The following COL4A3 variants were observed in gnomAD, a reference collection of about 807,000 sequenced individuals.
COL4A3 encodes the protein collagen type IV alpha 3 chain.
Under a neutral mutation model 217.4 loss-of-function variants are expected in COL4A3, and 135 were observed. The ratio of observed to expected loss-of-function variants is 0.62; its 90% confidence interval spans 0.54 to 0.72. The LOEUF (loss-of-function observed/expected upper bound fraction) is 0.72, where lower values mean the gene tolerates loss of function less well. COL4A3 is among the 30% of genes least tolerant of loss of function. The pLI is 0.00. For missense variants in COL4A3, 1,868 were observed against 2,119.9 expected (o/e 0.88, Z 2.33); for synonymous variants, 690 against 736.3 (o/e 0.94, Z 1.02).
intron 19 of COL4A3, 82 bp from the exon 20 acceptor site, chr2:227,261,000 A>T (rs1031703036): frequency 6.2e-5 from 68 of 1,098,358 alleles, no homozygotes; most frequent in Non-Finnish European, 9.1e-5. Flanking sequence ...AACTATCAGT[A>T]TATTGTCACC....
In COL4A3 at chr2:227,283,818, C is replaced by T; in HGVS notation, c.2708C>T (p.Pro903Leu). 2 of 1,614,120 alleles carry T rather than the reference C, an allele frequency of 1.2e-6. No homozygotes were observed. The highest frequency in any genetic ancestry group is 1.7e-6 in the Non-Finnish European group (2 of 1,179,964). The change falls in exon 33 of 52, where the codon CCA becomes CTA. Residue 903 changes from proline (P) to leucine (L), a missense_variant. Pro to Leu is a moderately conservative substitution (Grantham distance 98). Around this residue, in one of 2 missense-constraint regions of COL4A3, gnomAD observed 1,503 missense variants for 1,786.1 expected, o/e 0.84. Coordinates refer to ENST00000396578, the MANE Select transcript of COL4A3 (RefSeq NM_000091.5). ...GGCTTTCCTGGAGCCATTGGCCCTC[C>T]AGGGCCCCCTGGGAACCCAGGCACA... is the stretch of plus-strand genomic sequence containing the variant. Reference protein sequence around the residue: ...MMGFPGAIGPPGPPGNPGTPG... With the variant: ...MMGFPGAIGPLGPPGNPGTPG...
chr2:227,285,587 G>A (rs2072270625), intron 34 of COL4A3, among the ~76,000 whole-genome samples: 3 of 151,816 alleles, frequency 2.0e-5, no homozygotes, highest in Admixed American at 2.0e-4. Flanking sequence ...CACTTCACTA[G>A]ACTATTTTAG....
chr2:227,165,982 CACAA>C (rs1047286605), intron 1 of COL4A3, among the ~76,000 whole-genome samples: 1 of 152,168 alleles, frequency 6.6e-6, no homozygotes, highest in Non-Finnish European at 1.5e-5. Context: ...CATATGAACC[CACAA>C]ACATATATGT....
intron 1 of COL4A3, among the ~76,000 whole-genome samples, chr2:227,214,748 G>A (rs906680748): frequency 6.6e-6 from 1 of 152,150 alleles, no homozygotes; most frequent in African/African-American, 2.4e-5. Flanking sequence ...CTTGAGAATC[G>A]CTACCTAGTC....
chr2:227,290,217 G>A (rs1318888199), intron 36 of COL4A3, 129 bp downstream of exon 36: 4 of 861,988 alleles, frequency 4.6e-6, no homozygotes, highest in Non-Finnish European at 7.5e-6. Context: ...GATTTGCGGG[G>A]CCGGGCACGG....
intron 34 of COL4A3, among the ~76,000 whole-genome samples, chr2:227,287,534 TAAAC>T (rs1559902724): frequency 6.6e-6 from 1 of 152,080 alleles, no homozygotes; most frequent in Non-Finnish European, 1.5e-5. Context: ...AACACTGAAG[TAAAC>T]AAACAGACTA....
intron 18 of COL4A3, among the ~76,000 whole-genome samples, chr2:227,258,086 A>G (rs1157276650): frequency 6.6e-6 from 1 of 152,176 alleles, no homozygotes; most frequent in Non-Finnish European, 1.5e-5. Flanking sequence ...TTCCCAGTGG[A>G]CATGTATTTG....
chr2:227,188,509 C>T (rs2066115510), intron 1 of COL4A3, among the ~76,000 whole-genome samples: 1 of 151,768 alleles, frequency 6.6e-6, no homozygotes, highest in Non-Finnish European at 1.5e-5. Flanking sequence ...CTCCCCCACT[C>T]CATCTCACGT....
chr2:227,298,956 G>A (rs1037267211), intron 43 of COL4A3, 144 bp downstream of exon 43: 19 of 811,414 alleles, frequency 2.3e-5, no homozygotes, highest in Non-Finnish European at 3.4e-5. Context: ...CCCGAGACTG[G>A]GTAATTTATA....
At chr2:227,193,707 GAAGAA>G (rs1390034042) in intron 1 of COL4A3, among the ~76,000 whole-genome samples, 5 of 127,918 alleles carry the variant, frequency 3.9e-5, no homozygotes, top group Non-Finnish European at 1.6e-5. Flanking sequence ...TGAGGCAAAA[GAAGAA>G]AAAAGAAAGA....
intron 44 of COL4A3, among the ~76,000 whole-genome samples, chr2:227,303,374 A>C (rs2073373899): frequency 6.6e-6 from 1 of 152,188 alleles, no homozygotes; most frequent in Admixed American, 6.5e-5. Context: ...TTATTAGTTC[A>C]CATCAAAGCA....
chr2:227,247,069 G>A (rs749497771), intron 7 of COL4A3, among the ~76,000 whole-genome samples: 49 of 152,188 alleles, frequency 3.2e-4, no homozygotes, highest in Non-Finnish European at 6.2e-4. Context: ...CTCCAGCAGT[G>A]ATGTTGAGAT....
chr2:227,248,648 T>C (rs1333707201), intron 9 of COL4A3, 128 bp downstream of exon 9: 10 of 655,186 alleles, frequency 1.5e-5, no homozygotes, highest in Non-Finnish European at 1.1e-5. Flanking sequence ...AGATTTTAAA[T>C]AGAAATTCCT....
intron 1 of COL4A3, among the ~76,000 whole-genome samples, chr2:227,204,545 G>A (rs1186703960): frequency 6.6e-6 from 1 of 152,180 alleles, no homozygotes; most frequent in African/African-American, 2.4e-5. Context: ...GGCTGAAGCA[G>A]GACAGATTGT....
intron 34 of COL4A3, among the ~76,000 whole-genome samples, chr2:227,287,721 T>C (rs958853228): frequency 1.3e-5 from 2 of 152,226 alleles, no homozygotes; most frequent in Non-Finnish European, 2.9e-5. Flanking sequence ...TTTCATTTGG[T>C]CTTCAAGACT....
At chr2:227,165,402 C>T (rs901311347) in intron 1 of COL4A3, among the ~76,000 whole-genome samples, 5 of 152,184 alleles carry the variant, frequency 3.3e-5, no homozygotes, top group African/African-American at 1.2e-4. Context: ...AAATCGAACT[C>T]AGGTTAGAAT....
At chr2:227,227,298 G>T (rs188723469) in intron 1 of COL4A3, among the ~76,000 whole-genome samples, 1 of 152,114 alleles carries the variant, frequency 6.6e-6, no homozygotes. Context: ...AGCAGAGCCC[G>T]TCAATAATGA....
chr2:227,167,772 CT>C (rs2065331338), intron 1 of COL4A3, among the ~76,000 whole-genome samples: 1 of 152,038 alleles, frequency 6.6e-6, no homozygotes, highest in South Asian at 2.1e-4. Flanking sequence ...TATACTTTGA[CT>C]TGTTTGTTCT....
chr2:227,286,424 G>A (rs917574523), intron 34 of COL4A3, among the ~76,000 whole-genome samples: 1 of 152,172 alleles, frequency 6.6e-6, no homozygotes, highest in Non-Finnish European at 1.5e-5. Flanking sequence ...GAACCTGAGA[G>A]GCAGAGGTTG....
Sources: allele counts gnomAD v4.1 joint callset (sites outside exome capture counted in the v4.1 genomes callset), GRCh38; gene constraint gnomAD v4.1.1; regional missense constraint gnomAD v4.1.1; transcripts MANE v1.5; gene names NCBI Gene and HGNC (gene_info 2026-07-23, HGNC 2026-07-21).